Variants in RETREG1 observed in about 807,000 individuals in gnomAD.
RETREG1 encodes the protein family with sequence similarity 134 member B.
A neutral mutation model predicts 54.8 loss-of-function variants in RETREG1; 44 were observed. The ratio of observed to expected loss-of-function variants is 0.80; its 90% CI spans 0.63 to 1.03. The LOEUF (loss-of-function observed/expected upper bound fraction) is 1.03, where lower values mean the gene tolerates loss of function less well. Ranked by LOEUF, RETREG1 falls within the 50% of genes least tolerant of loss-of-function variation. The pLI is 0.00. For synonymous variants in RETREG1, 217 were observed against 238.5 expected (o/e 0.91, Z 0.83); for missense variants, 554 against 605.1 (o/e 0.92, Z 0.89).
At chr5:16,613,325 T>C (rs535428259) in intron 1 of RETREG1, among the ~76,000 whole-genome samples, 13 of 152,354 alleles carry the variant, frequency 8.5e-5, no homozygotes, top group Non-Finnish European at 1.6e-4. Context: ...TAGAATGCTC[T>C]TGATCATCTA....
intron 1 of RETREG1, among the ~76,000 whole-genome samples, chr5:16,572,733 T>C (rs256882): frequency 1.3e-5 from 2 of 152,166 alleles, no homozygotes; most frequent in African/African-American, 4.8e-5. Flanking sequence ...GGAAGTGACC[T>C]GAAACAGAGT....
chr5:16,539,892 T>G (rs1261336985), intron 3 of RETREG1, among the ~76,000 whole-genome samples: 2 of 152,270 alleles, frequency 1.3e-5, no homozygotes, highest in African/African-American at 4.8e-5. Context: ...TTAAAATAAC[T>G]TTTCTTTTTA....
At chr5:16,510,651 G>A (rs895586338) in intron 3 of RETREG1, among the ~76,000 whole-genome samples, 9 of 151,546 alleles carry the variant, frequency 5.9e-5, no homozygotes, top group African/African-American at 1.2e-4. Flanking sequence ...TTAGCCGAGC[G>A]TGGTGACGCA....
chr5:16,567,487 C>T (rs1388962385), intron 2 of RETREG1, among the ~76,000 whole-genome samples: 1 of 152,200 alleles, frequency 6.6e-6, no homozygotes, highest in Non-Finnish European at 1.5e-5. Flanking sequence ...ACTGAGACCA[C>T]AGTTGATGGC....
At chr5:16,611,294 A>G (rs1743336750) in intron 1 of RETREG1, among the ~76,000 whole-genome samples, 1 of 152,308 alleles carries the variant, frequency 6.6e-6, no homozygotes, top group South Asian at 2.1e-4. Flanking sequence ...TAGGAGATAC[A>G]TCTAATGTAA....
In RETREG1 at chr5:16,474,683, T is replaced by C. The variant is rs2126504483; in HGVS notation, c.*58A>G. 1.3e-6 allele frequency: 2 copies of C among 1,563,332 alleles called. No individual in the cohort carries two copies. Among genetic ancestry groups the C allele is most frequent in the Non-Finnish European group, 1.7e-6 (2 of 1,163,606 alleles). Reference sequence around the variant, plus strand: ...TTTTTCTTTTCCTTTTTTTTTTTTTTTTCTTGTTTGAAATTTTTTTGGTGT... The same window carrying C: ...TTTTTCTTTTCCTTTTTTTTTTTTTCTTCTTGTTTGAAATTTTTTTGGTGT... On this transcript the variant is annotated 3_prime_UTR_variant, in exon 9 of 9. Coordinates refer to ENST00000306320, the MANE Select transcript of RETREG1 (RefSeq NM_001034850.3).
intron 4 of RETREG1, 106 bp downstream of exon 4, chr5:16,483,235 GTATAT>G (rs1561080730): frequency 2.4e-6 from 3 of 1,250,808 alleles, no homozygotes; most frequent in South Asian, 1.2e-5. Context: ...TATGTTCTTA[GTATAT>G]TATATTTAAA....
intron 1 of RETREG1, among the ~76,000 whole-genome samples, chr5:16,599,713 C>T (rs1401269824): frequency 2.6e-5 from 4 of 152,216 alleles, no homozygotes; most frequent in African/African-American, 9.6e-5. Context: ...TGTGGTCAGG[C>T]ATGGCACACT....
At position 16,594,094 on chromosome 5, in the gene RETREG1, T is replaced by G. The variant is rs31300; in HGVS notation, c.321-21992A>C. ...CAGTCTCACAATCTTAAGATACAAC[T>G]TGTCTGTACCAGGCAAAACCTACAC... On this transcript the variant is annotated intron_variant, in intron 1 of 8. Transcript: ENST00000306320. The surrounding 1 kb of genome is among the most constrained non-coding windows in gnomAD (Gnocchi z 4.4). Among the ~76,000 whole-genome samples the G allele has an allele frequency of 6.6e-6, 1 of 152,066 alleles. No homozygotes were observed. Among genetic ancestry groups the G allele is most frequent in the African/African-American group, 2.4e-5 (1 of 41,392 alleles).
chr5:16,486,436 T>C (rs1739023028), intron 3 of RETREG1, among the ~76,000 whole-genome samples: 1 of 152,228 alleles, frequency 6.6e-6, no homozygotes, highest in African/African-American at 2.4e-5. Flanking sequence ...TCCAGTGAGT[T>C]TACCATTAAT....
rs1416370719 is a variant in RETREG1 at position 16,616,993 on chromosome 5, G to A, written c.-22C>T. 1 of 1,318,274 alleles carries A rather than the reference G, an allele frequency of 7.6e-7. No homozygotes were observed. Among genetic ancestry groups the A allele is most frequent in the Non-Finnish European group, 9.6e-7 (1 of 1,037,658 alleles). The allele number at this position is 1,318,274 out of a possible 1,614,324, so 81.7% of individuals were successfully genotyped here. A position where few individuals can be genotyped will look rare whatever the true frequency, so the allele number is the denominator to read the frequency against. ...CCATCTTCAGCTGTGCTTCCAGACA[G>A]GGACGGGGCCGGGCGCGCGCGCGGG... On this transcript the variant is annotated 5_prime_UTR_variant, in exon 1 of 9. Transcript: ENST00000306320.
In RETREG1 at chr5:16,561,283, G is replaced by A. The variant is rs1451580581; in HGVS notation, c.458+4480C>T. 6.6e-6 allele frequency among the ~76,000 whole-genome samples: 1 copy of A among 152,110 alleles called. No individual in the cohort carries two copies. Among genetic ancestry groups the A allele is most frequent in the Non-Finnish European group, 1.5e-5 (1 of 68,012 alleles). ...GAGGCCGAGTCGGGCGGATCATGAG[G>A]TCAGGAGATCAAGACCATCCTGGCT... On this transcript the variant is annotated intron_variant, in intron 3 of 8. Coordinates refer to ENST00000306320, the MANE Select transcript of RETREG1 (RefSeq NM_001034850.3). The surrounding 1 kb of genome is among the most constrained non-coding windows in gnomAD (Gnocchi z 4.2).
intron 3 of RETREG1, among the ~76,000 whole-genome samples, chr5:16,533,993 C>A (rs1740986435): frequency 6.6e-6 from 1 of 152,086 alleles, no homozygotes; most frequent in African/African-American, 2.4e-5. Flanking sequence ...CTGGAGCCTA[C>A]ACCCCAGCTT....
intron 1 of RETREG1, among the ~76,000 whole-genome samples, chr5:16,587,828 G>T (rs751734202): frequency 6.6e-6 from 1 of 152,104 alleles, no homozygotes. Context: ...TGGTTCTCCC[G>T]CAGCAAGCCT....
intron 1 of RETREG1, among the ~76,000 whole-genome samples, chr5:16,578,399 A>T (rs1054880272): frequency 6.6e-6 from 1 of 152,234 alleles, no homozygotes; most frequent in Non-Finnish European, 1.5e-5. Flanking sequence ...TTAAGTTTGT[A>T]ATTTTATAAA....
intron 1 of RETREG1, among the ~76,000 whole-genome samples, chr5:16,573,015 T>A (rs1026705275): frequency 6.6e-6 from 1 of 151,692 alleles, no homozygotes; most frequent in Non-Finnish European, 1.5e-5. Flanking sequence ...AAACCCCGTC[T>A]CTACTAAAAA....
At chr5:16,528,823 A>G (rs566593050) in intron 3 of RETREG1, among the ~76,000 whole-genome samples, 1 of 152,332 alleles carries the variant, frequency 6.6e-6, no homozygotes, top group Admixed American at 6.5e-5. Flanking sequence ...TGTGGGCCAT[A>G]CAGTGCCTGC....
intron 1 of RETREG1, among the ~76,000 whole-genome samples, chr5:16,583,779 G>C (rs1478003827): frequency 1.3e-5 from 2 of 152,102 alleles, no homozygotes; most frequent in Admixed American, 1.3e-4. Flanking sequence ...TGAAATGAAT[G>C]CTATCAACAG....
chr5:16,508,624 A>G lies in RETREG1; in HGVS notation c.459-25152T>C, dbSNP rs1462592710. 1.9e-6 allele frequency: 3 copies of G among 1,614,016 alleles called. No homozygotes were observed. In the East Asian group the frequency reaches 6.7e-5, roughly 36 times the overall value. On this transcript the variant is annotated intron_variant, in intron 3 of 8. Coordinates refer to ENST00000306320, the MANE Select transcript of RETREG1 (RefSeq NM_001034850.3). ...TCACCTTCAGGCATTTCTGCCCTTT[A>G]AAAATAATAACAGTGGCAAAGGCTG...
Sources: gnomAD v4.1 joint callset for allele counts (sites outside exome capture counted in the v4.1 genomes callset) on GRCh38, gnomAD v4.1.1 for gene constraint, Gnocchi (gnomAD v3.1) non-coding constraint, MANE v1.5 for transcripts, NCBI Gene and HGNC (gene_info 2026-07-23, HGNC 2026-07-21) for gene names.